PRPF8: variants seen among roughly 807,000 people sequenced by gnomAD.
PRPF8 encodes the protein pre-mRNA-processing-splicing factor 8.
A neutral mutation model predicts 285.9 loss-of-function variants in PRPF8; 64 were observed. The observed-to-expected ratio is 0.22, with a 90% CI of 0.18 to 0.28. The LOEUF (loss-of-function observed/expected upper bound fraction) is 0.28, where lower values mean the gene tolerates loss of function less well. Ranked by LOEUF, PRPF8 falls within the 10% of genes least tolerant of loss-of-function variation. The pLI is 1.00. For synonymous variants in PRPF8, 1,325 were observed against 1,118.2 expected, an observed-to-expected ratio of 1.18 and a Z score of -3.69; for missense variants, 1,426 against 3,026.7, an observed-to-expected ratio of 0.47 and a Z score of 12.41.
chr17:1,680,341 C>T lies in PRPF8; in HGVS notation c.1098+385G>A, dbSNP rs1912841238. 3.0e-5 allele frequency: 10 copies of T among 333,196 alleles called. No individual in the cohort carries two copies. The South Asian group carries it at 3.2e-4, about 11-fold the overall frequency. 20.6% of individuals were successfully genotyped at this position (333,196 alleles called of 1,614,324 possible). A position where few individuals can be genotyped will look rare whatever the true frequency, so the allele number is the denominator to read the frequency against. Reference sequence around the variant, plus strand: ...AAGTAATAAAAATATTCTCAAATTGCATGTCGTGACAGTTGGGACAACTCT... The same window carrying T: ...AAGTAATAAAAATATTCTCAAATTGTATGTCGTGACAGTTGGGACAACTCT... On this transcript the variant is annotated intron_variant, in intron 8 of 42. Transcript: ENST00000304992.
chr17:1,675,563 G>T lies in PRPF8; in HGVS notation c.2872+57C>A. The T allele has an allele frequency of 6.2e-7, 1 of 1,603,482 alleles. No homozygotes were observed. The highest frequency in any genetic ancestry group is 8.5e-7 in the Non-Finnish European group (1 of 1,170,920). ...ATCATGCTACCCAGATGAGATTTTT[G>T]ACGTAGAACTAAATTCCTGCCCCGT... On this transcript the variant is annotated intron_variant, in intron 19 of 42. Transcript: ENST00000304992. This position sits in a 1 kb window ranked among gnomAD's most constrained non-coding sequence, Gnocchi z 6.0.
chr17:1,669,269 G>C (rs1912174872), intron 24 of PRPF8, among the ~76,000 whole-genome samples: 1 of 152,050 alleles, frequency 6.6e-6, no homozygotes, highest in Admixed American at 6.6e-5. Context: ...ACCGCGCCTG[G>C]CTAATTTTTG....
At chr17:1,655,941 T>TA (rs1214546455) in intron 36 of PRPF8, among the ~76,000 whole-genome samples, 5 of 100,106 alleles carry the variant, frequency 5.0e-5, no homozygotes, top group East Asian at 2.8e-4. Context: ...TTTTTTTTTT[T>TA]AGACAGTCTT....
intron 20 of PRPF8, among the ~76,000 whole-genome samples, chr17:1,674,922 C>G (rs560939903): frequency 6.6e-6 from 1 of 152,226 alleles, no homozygotes; most frequent in South Asian, 2.1e-4. Flanking sequence ...CAGGCGCCCA[C>G]CACCACACCC....
At position 1,660,631 on chromosome 17, in the gene PRPF8, C is replaced by T. The variant is rs1162457533; in HGVS notation, c.4639-53G>A. ...AGAGATCAAGAGACTCGGGCGCTCACGACATAACCAAGGCAAGAAGCAGCA... is the reference window on the plus strand; with the variant it reads ...AGAGATCAAGAGACTCGGGCGCTCATGACATAACCAAGGCAAGAAGCAGCA... On this transcript the variant is annotated intron_variant, in intron 29 of 42. Coordinates refer to ENST00000304992, the MANE Select transcript of PRPF8 (RefSeq NM_006445.4). 16 of 1,614,040 alleles carry T rather than the reference C, an allele frequency of 9.9e-6. No homozygotes were observed. In the Admixed American group the frequency reaches 1.0e-4, roughly 10 times the overall value.
rs913846541 is a variant in PRPF8 at position 1,684,773 on chromosome 17, C to G, written c.-12+7G>C. On this transcript the variant is annotated splice_region_variant and intron_variant, in intron 1 of 42. Coordinates refer to ENST00000304992, the MANE Select transcript of PRPF8 (RefSeq NM_006445.4). ...CCGCAGCCCGGCCTTAAACGCCTGCCACGCACCCCACAGGCCCTCACACAA... is the reference window on the plus strand; with the variant it reads ...CCGCAGCCCGGCCTTAAACGCCTGCGACGCACCCCACAGGCCCTCACACAA... 2 of 628,486 alleles carry G rather than the reference C, an allele frequency of 3.2e-6. No homozygotes were observed. Among genetic ancestry groups the G allele is most frequent in the Non-Finnish European group, 5.7e-6 (2 of 350,098 alleles). 38.9% of individuals were successfully genotyped at this position (628,486 alleles called of 1,614,324 possible).
rs1252067556 is a variant in PRPF8, at chr17:1,658,935, C to T, written c.5139-172G>A. 2.8e-6 allele frequency: 2 copies of T among 712,428 alleles called. No individual in the cohort carries two copies. Among genetic ancestry groups the T allele is most frequent in the South Asian group, 1.5e-5 (1 of 67,058 alleles). 44.1% of individuals were successfully genotyped at this position (712,428 alleles called of 1,614,324 possible). A position where few individuals can be genotyped will look rare whatever the true frequency, so the allele number is the denominator to read the frequency against. ...TCAGTGACCCATAGGAGGAATGGGC[C>T]ACTTCCTCTCACTTAGGTAAAGTAA... On this transcript the variant is annotated intron_variant, in intron 32 of 42. Coordinates refer to ENST00000304992, the MANE Select transcript of PRPF8 (RefSeq NM_006445.4). This position sits in a 1 kb window ranked among gnomAD's most constrained non-coding sequence, Gnocchi z 4.1.
chr17:1,675,804 A>G lies in PRPF8; in HGVS notation c.2688T>C (p.Ile896=). 1 of 1,614,154 alleles carries G rather than the reference A, an allele frequency of 6.2e-7. No individual in the cohort carries two copies. Among genetic ancestry groups the G allele is most frequent in the Non-Finnish European group, 8.5e-7 (1 of 1,180,020 alleles). The change falls in exon 19 of 43, where the codon ATT becomes ATC. Residue 896 remains isoleucine, a synonymous_variant. Transcript: ENST00000304992. This position sits in a 1 kb window ranked among gnomAD's most constrained non-coding sequence, Gnocchi z 6.0. ...GGTGGCTATACAGATCCATGAACTC[A>G]ATGCCCACCTGTGGGACAAGGAGGC... The part of the protein sequence containing the change: ...LTQRAFKEVG[I]EFMDLYSHLV...
At position 1,682,276 on chromosome 17, in the gene PRPF8, G is replaced by A; in HGVS notation, c.287C>T (p.Pro96Leu). ...CTCCAGGAGTTTGAGGACTGCGTGG[G>A]GCATGTACTTTAGGGCACTGGCACA... ...RVYLGALKYM[P>L]HAVLKLLENM... is the part of the protein sequence containing the mutation. The change falls in exon 4 of 43, where the codon CCC (proline) becomes CTC (leucine). Residue 96 changes from proline (P) to leucine (L), a missense_variant. By Grantham distance (98) the Pro-to-Leu change is moderately conservative. Coordinates refer to ENST00000304992, the MANE Select transcript of PRPF8 (RefSeq NM_006445.4). 1 of 1,614,098 alleles carries A rather than the reference G, an allele frequency of 6.2e-7. No individual in the cohort carries two copies. The highest frequency in any genetic ancestry group is 8.5e-7 in the Non-Finnish European group (1 of 1,180,022).
Position 1,661,496 on chromosome 17 carries a change from GA to G in PRPF8, c.4203-91del, listed in dbSNP as rs1186430137. 1 of 1,608,904 alleles carries G rather than the reference GA, an allele frequency of 6.2e-7. No homozygotes were observed. The highest frequency in any genetic ancestry group is 8.5e-7 in the Non-Finnish European group (1 of 1,177,540). ...TGGCCAAAAATAATTAGGGTCAGTAGAACCAGCCTTCTCACCTCCATACAAC... is the reference window on the plus strand; with the variant it reads ...TGGCCAAAAATAATTAGGGTCAGTAGACCAGCCTTCTCACCTCCATACAAC... On this transcript the variant is annotated intron_variant, in intron 26 of 42. Coordinates refer to ENST00000304992, the MANE Select transcript of PRPF8 (RefSeq NM_006445.4). The surrounding 1 kb of genome is among the most constrained non-coding windows in gnomAD (Gnocchi z 7.3).
chr17:1,679,572 C>T lies in PRPF8; in HGVS notation c.1289+37G>A. 1 of 1,611,178 alleles carries T rather than the reference C, an allele frequency of 6.2e-7. No homozygotes were observed. Among genetic ancestry groups the T allele is most frequent in the Non-Finnish European group, 8.5e-7 (1 of 1,179,086 alleles). ...AGTTGGAGTCTTTTCTCCTACACAT[C>T]CACTATCATTCCCCCTGCCACAGGG... is the stretch of plus-strand genomic sequence containing the variant. On this transcript the variant is annotated intron_variant, in intron 9 of 42. Coordinates refer to ENST00000304992, the MANE Select transcript of PRPF8 (RefSeq NM_006445.4). The surrounding 1 kb of genome is among the most constrained non-coding windows in gnomAD (Gnocchi z 4.7).
rs146323854 is a variant in PRPF8 at position 1,654,463 on chromosome 17, G to A, written c.5988-447C>T. ...AGCAGTCTCGGATACTTAGGGTCTC[G>A]GATGTTCAAAATTCTTCCCATGTAT... On this transcript the variant is annotated intron_variant, in intron 37 of 42. Transcript: ENST00000304992. 5.6e-3 allele frequency: 1,725 copies of A among 309,146 alleles called. 7 individuals carry two copies. Among genetic ancestry groups the A allele is most frequent in the Non-Finnish European group, 7.4e-3 (1,184 of 161,010 alleles). 19.2% of individuals were successfully genotyped at this position (309,146 alleles called of 1,614,324 possible).
chr17:1,679,128 A>C lies in PRPF8; in HGVS notation c.1488T>G (p.Val496=). 6.2e-7 allele frequency: 1 copy of C among 1,614,192 alleles called. No homozygotes were observed. Among genetic ancestry groups the C allele is most frequent in the Non-Finnish European group, 8.5e-7 (1 of 1,180,036 alleles). The change falls in exon 11 of 43, where the codon GTT becomes GTG. Residue 496 remains valine (V), a synonymous_variant. Transcript: ENST00000304992. The surrounding 1 kb of genome is among the most constrained non-coding windows in gnomAD (Gnocchi z 4.7). ...KLDWVEVGLQ[V]CRQGYNMLNL... ...TGAGCATGTTGTAGCCCTGGCGGCA[A>C]ACCTGGAGCCCAACCTCCACCCAGT...
In PRPF8 at chr17:1,677,550, G is replaced by C. The variant is rs761994555; in HGVS notation, c.1984+15C>G. On this transcript the variant is annotated intron_variant, in intron 14 of 42. Coordinates refer to ENST00000304992, the MANE Select transcript of PRPF8 (RefSeq NM_006445.4). ...GCAATAACAGGAGAAGTTGGACACA[G>C]AGAAAACCACTCACCTTCAAACTGC... 1.2e-5 allele frequency: 20 copies of C among 1,613,896 alleles called. No individual in the cohort carries two copies. The South Asian group carries it at 2.2e-4, about 18-fold the overall frequency.
Position 1,650,892 on chromosome 17 carries a change from G to C in PRPF8, c.6918C>G (p.His2306Gln), listed in dbSNP as rs756489004. Residue 2306 changes from histidine to glutamine, a missense_variant, in exon 43 of 43, where the codon CAC (histidine) becomes CAG (glutamine). Transcript: ENST00000304992. ...LQLANPKEFY[H>Q]EVHRPSHFLN... is the part of the protein sequence containing the mutation. ...GGAAGTGAGAGGGCCTGTGCACCTC[G>C]TGGTAGAACTCTTTGGGGTTCGCCA... 7 of 1,614,152 alleles carry C rather than the reference G, an allele frequency of 4.3e-6. No individual in the cohort carries two copies. The South Asian group carries it at 6.6e-5, about 15-fold the overall frequency.
Position 1,661,733 on chromosome 17 carries a change from T to C in PRPF8, c.4080A>G (p.Glu1360=), listed in dbSNP as rs763162567. ...ITHFRSGMSH[E]EDQLIPNLYR... ...ACAAGTTGGGAATGAGCTGGTCTTC[T>C]TCATGGCTCATTCCTGAACGAAAGT... The change falls in exon 26 of 43, where the codon GAA becomes GAG. Residue 1360 remains glutamate (E), a synonymous_variant. Coordinates refer to ENST00000304992, the MANE Select transcript of PRPF8 (RefSeq NM_006445.4). The surrounding 1 kb of genome is among the most constrained non-coding windows in gnomAD (Gnocchi z 7.3). 16 of 1,614,144 alleles carry C rather than the reference T, an allele frequency of 9.9e-6. No homozygotes were observed. In the Admixed American group the frequency reaches 2.3e-4, roughly 24 times the overall value.
intron 30 of PRPF8, among the ~76,000 whole-genome samples, 196 bp downstream of exon 30, chr17:1,660,236 T>C (rs1037123305): frequency 3.3e-5 from 5 of 151,612 alleles, no homozygotes; most frequent in Non-Finnish European, 7.4e-5. Context: ...GCTGACTCTG[T>C]ACAGCACCCT....
intron 24 of PRPF8, among the ~76,000 whole-genome samples, chr17:1,672,473 T>C (rs1912380833): frequency 2.0e-5 from 3 of 152,012 alleles, no homozygotes; most frequent in African/African-American, 4.8e-5. Flanking sequence ...AGAGACGAGG[T>C]TTCAGAACCA....
chr17:1,682,356 G>C (rs551842701), intron 3 of PRPF8, 63 bp from the exon 4 acceptor site: 1 of 1,566,768 alleles, frequency 6.4e-7, no homozygotes, highest in South Asian at 1.1e-5. Flanking sequence ...CCTGTCCCAT[G>C]CAGAGAAGCC....
Sources: allele counts gnomAD v4.1 joint callset (sites outside exome capture counted in the v4.1 genomes callset), GRCh38; gene constraint gnomAD v4.1.1; non-coding constraint Gnocchi (gnomAD v3.1); transcripts MANE v1.5; gene names NCBI Gene and HGNC (gene_info 2026-07-23, HGNC 2026-07-21).